CUX1: variants seen among roughly 807,000 people sequenced by gnomAD.
The protein encoded by CUX1 is protein CASP.
A neutral mutation model predicts 158.8 loss-of-function variants in CUX1; 31 were observed. The observed-to-expected ratio is 0.20, with a 90% confidence interval of 0.15 to 0.26. CUX1 has a LOEUF of 0.26. Ranked by LOEUF, CUX1 falls within the 10% of genes least tolerant of loss-of-function variation. The probability of loss-of-function intolerance (pLI) is 1.00; values close to 1 mark genes in which losing one functional copy is unlikely to be tolerated. For missense variants in CUX1, 1,589 were observed against 2,014.6 expected (o/e 0.79, Z 4.04); for synonymous variants, 879 against 862.1 (o/e 1.02, Z -0.34).
Position 102,255,688 on chromosome 7 carries a change from T to C in CUX1, c.*6646T>C. 1.0e-6 allele frequency: 1 copy of C among 985,392 alleles called. No homozygotes were observed. Among genetic ancestry groups the C allele is most frequent in the Non-Finnish European group, 1.2e-6 (1 of 829,924 alleles). The allele number at this position is 985,392 out of a possible 1,614,324, so 61.0% of individuals were successfully genotyped here. On this transcript the variant is annotated 3_prime_UTR_variant, in exon 24 of 24. Transcript: ENST00000292535. ...TGTCACGGCTACATCCCTATGGAAATTAATCAGAAGCACAGTGTGTACGGA... is the reference window on the plus strand; with the variant it reads ...TGTCACGGCTACATCCCTATGGAAACTAATCAGAAGCACAGTGTGTACGGA...
intron 1 of CUX1, among the ~76,000 whole-genome samples, chr7:101,848,910 CA>C (rs1446651147): frequency 9.4e-5 from 5 of 53,298 alleles, no homozygotes; most frequent in African/African-American, 4.2e-4. Flanking sequence ...ACTTGCAAGG[CA>C]ATTTTTTTTT....
At chr7:102,237,990 T>G (rs1047147038) in intron 22 of CUX1, among the ~76,000 whole-genome samples, 1 of 152,142 alleles carries the variant, frequency 6.6e-6, no homozygotes, top group Non-Finnish European at 1.5e-5. Flanking sequence ...TTAGAGACTT[T>G]TAGTACTTTC....
At chr7:101,897,530 A>G (rs1801651603) in intron 1 of CUX1, among the ~76,000 whole-genome samples, 1 of 152,020 alleles carries the variant, frequency 6.6e-6, no homozygotes, top group Non-Finnish European at 1.5e-5. Context: ...TAATAAAATA[A>G]AGAAAAGAAA....
chr7:102,078,235 C>T (rs1826992637), intron 4 of CUX1, among the ~76,000 whole-genome samples: 1 of 152,168 alleles, frequency 6.6e-6, no homozygotes, highest in South Asian at 2.1e-4. Flanking sequence ...GCCACCACAC[C>T]TGGCTAATTT....
intron 1 of CUX1, among the ~76,000 whole-genome samples, chr7:101,818,162 G>A (rs1176501243): frequency 1.3e-5 from 2 of 152,152 alleles, no homozygotes; most frequent in African/African-American, 4.8e-5. Context: ...AGTATTTATT[G>A]ACTAAAATAG....
intron 2 of CUX1, among the ~76,000 whole-genome samples, chr7:102,026,818 TAAAAAAAAAAAA>T (rs10533217): frequency 4.4e-4 from 42 of 96,324 alleles, no homozygotes; most frequent in African/African-American, 1.5e-3. Flanking sequence ...ACTCCGTCTT[TAAAAAAAAAAAA>T]AAAAAAAAAA....
chr7:102,204,776 CCTGT>C (rs1238626843), intron 19 of CUX1, among the ~76,000 whole-genome samples: 2 of 152,224 alleles, frequency 1.3e-5, no homozygotes, highest in African/African-American at 4.8e-5. Flanking sequence ...AGAGATCATG[CCTGT>C]CTAATTTTAT....
At chr7:102,108,204 C>T (rs766792734) in intron 6 of CUX1, among the ~76,000 whole-genome samples, 1 of 152,204 alleles carries the variant, frequency 6.6e-6, no homozygotes, top group South Asian at 2.1e-4. Context: ...ACATGAGAAA[C>T]GTACCTAATA....
intron 1 of CUX1, among the ~76,000 whole-genome samples, chr7:101,835,122 G>A (rs76053268): frequency 0.024 from 3,586 of 152,170 alleles, 59 homozygotes; most frequent in Non-Finnish European, 0.037. Flanking sequence ...ACCCCGACAA[G>A]AAACTCCCAT....
chr7:102,243,017 T>C (rs1554535500), intron 23 of CUX1, among the ~76,000 whole-genome samples: 1 of 152,182 alleles, frequency 6.6e-6, no homozygotes, highest in East Asian at 1.9e-4. Flanking sequence ...CTTATGCCCG[T>C]AATCCTAGCA....
At position 102,257,430 on chromosome 7, in the gene CUX1, A is replaced by T. The variant is rs1289067237; in HGVS notation, c.*8388A>T. ...CATCTGAGACCTCTTGGAAAAAAAA[A>T]ATCCCGTGTATTCTGGAGATGTGAG... On this transcript the variant is annotated 3_prime_UTR_variant, in exon 24 of 24. Transcript: ENST00000292535. 3.8e-5 allele frequency: 37 copies of T among 985,206 alleles called. No homozygotes were observed. The African/African-American group carries it at 5.8e-4, about 15-fold the overall frequency. 61.0% of individuals were successfully genotyped at this position (985,206 alleles called of 1,614,324 possible).
chr7:102,092,928 A>G (rs1158116764), intron 4 of CUX1, among the ~76,000 whole-genome samples: 7 of 119,902 alleles, frequency 5.8e-5, no homozygotes, highest in African/African-American at 2.2e-4. Context: ...AAAAAAAAAA[A>G]AAAAGAAAGA....
In CUX1 at chr7:101,953,735, TG is replaced by T. The variant is rs1585080053; in HGVS notation, c.141+37512del. Among the ~76,000 whole-genome samples the T allele has an allele frequency of 2.6e-5, 4 of 152,186 alleles. No individual in the cohort carries two copies. The South Asian group carries it at 6.2e-4, about 24-fold the overall frequency. Reference sequence around the variant, plus strand: ...GCCCGTGCCAGGACACAGTCGGGCCTGGCGATGTCTGTTTTGTCTCACGACT... The same window carrying T: ...GCCCGTGCCAGGACACAGTCGGGCCTGCGATGTCTGTTTTGTCTCACGACT... On this transcript the variant is annotated intron_variant, in intron 2 of 23. Transcript: ENST00000292535.
chr7:101,821,664 C>CTT (rs1418480986), intron 1 of CUX1, among the ~76,000 whole-genome samples: 3 of 71,022 alleles, frequency 4.2e-5, no homozygotes, highest in Admixed American at 1.5e-4. Flanking sequence ...TTCTTTTTTT[C>CTT]TTTTTTCTTT....
chr7:102,109,271 T>TC (rs1431174636), intron 6 of CUX1, among the ~76,000 whole-genome samples: 1 of 152,104 alleles, frequency 6.6e-6, no homozygotes. Context: ...AAAGAGGACT[T>TC]CTAAATTAAT....
At chr7:102,181,848 C>T (rs1431185184) in intron 11 of CUX1, among the ~76,000 whole-genome samples, 1 of 152,082 alleles carries the variant, frequency 6.6e-6, no homozygotes, top group Non-Finnish European at 1.5e-5. Flanking sequence ...TTTTGTTTTT[C>T]CTAATGTGTA....
At chr7:102,053,056 C>T (rs1231438857) in intron 3 of CUX1, among the ~76,000 whole-genome samples, 40 of 151,834 alleles carry the variant, frequency 2.6e-4, no homozygotes, top group African/African-American at 4.8e-4. Flanking sequence ...GTGATCTGCC[C>T]GCCTCGGCCT....
intron 11 of CUX1, among the ~76,000 whole-genome samples, chr7:102,183,468 G>A (rs1338801993): frequency 6.6e-6 from 1 of 152,122 alleles, no homozygotes; most frequent in Non-Finnish European, 1.5e-5. Flanking sequence ...AGAGTCCACA[G>A]TATCCTTGGG....
chr7:101,891,951 G>T (rs1741527838), intron 1 of CUX1, among the ~76,000 whole-genome samples: 1 of 152,208 alleles, frequency 6.6e-6, no homozygotes, highest in African/African-American at 2.4e-5. Context: ...GTAAGACTTT[G>T]TTGATAATTT....
Sources: gnomAD v4.1 joint callset for allele counts (sites outside exome capture counted in the v4.1 genomes callset) on GRCh38, gnomAD v4.1.1 for gene constraint, MANE v1.5 for transcripts, NCBI Gene and HGNC (gene_info 2026-07-23, HGNC 2026-07-21) for gene names.